USP30: variants seen among roughly 807,000 people sequenced by gnomAD.
USP30 encodes ubiquitin specific peptidase 30, also known as ubiquitin carboxyl-terminal hydrolase 30.
USP30 carries 41 observed loss-of-function variants against 68.2 expected under a neutral mutation model. The observed-to-expected ratio is 0.60, with a 90% CI of 0.47 to 0.78. USP30 has a LOEUF of 0.78. Ranked by LOEUF, USP30 falls within the 30% of genes least tolerant of loss-of-function variation. The pLI is 0.00. For missense variants in USP30, 522 were observed against 649.4 expected, an observed-to-expected ratio of 0.80 and a Z score of 2.13; for synonymous variants, 229 against 253.7, an observed-to-expected ratio of 0.90 and a Z score of 0.93.
In USP30 at chr12:109,070,238, A is replaced by G. The variant is rs936169231; in HGVS notation, c.481-1374A>G. Among the ~76,000 whole-genome samples the G allele has an allele frequency of 6.6e-6, 1 of 152,152 alleles. No individual in the cohort carries two copies. Among genetic ancestry groups the G allele is most frequent in the African/African-American group, 2.4e-5 (1 of 41,428 alleles). ...GCTCAGACTGGGGTCGAAGCAGGGT[A>G]GCTGAGAGTCCTCAGGAATTTAGGG... is the stretch of plus-strand genomic sequence containing the variant. On this transcript the variant is annotated intron_variant, in intron 4 of 12. Transcript: ENST00000257548. The surrounding 1 kb of genome is among the most constrained non-coding windows in gnomAD (Gnocchi z 4.0).
At chr12:109,075,738 G>A (rs1434588351) in intron 7 of USP30, among the ~76,000 whole-genome samples, 1 of 151,736 alleles carries the variant, frequency 6.6e-6, no homozygotes, top group Non-Finnish European at 1.5e-5. Flanking sequence ...GATGATTAGT[G>A]ATATTGAGTG....
intron 7 of USP30, 86 bp downstream of exon 7, chr12:109,073,618 A>C: frequency 8.4e-7 from 1 of 1,191,840 alleles, no homozygotes; most frequent in South Asian, 1.3e-5. Context: ...GTGGGCTGAC[A>C]TCGGTCACTG....
At chr12:109,032,167 G>T (rs1356099173) in intron 3 of USP30, among the ~76,000 whole-genome samples, 1 of 151,910 alleles carries the variant, frequency 6.6e-6, no homozygotes, top group Admixed American at 6.6e-5. Context: ...ACCTGGGCAT[G>T]GTGGCTTGTG....
At chr12:109,044,870 T>C (rs1002994453) in intron 3 of USP30, among the ~76,000 whole-genome samples, 1 of 152,122 alleles carries the variant, frequency 6.6e-6, no homozygotes, top group Non-Finnish European at 1.5e-5. Flanking sequence ...TTTACCCATA[T>C]ACCATCATCA....
chr12:109,046,583 C>T (rs1185168691), intron 3 of USP30, among the ~76,000 whole-genome samples: 1 of 152,210 alleles, frequency 6.6e-6, no homozygotes, highest in Non-Finnish European at 1.5e-5. Flanking sequence ...AACTATCTGG[C>T]CACTTTGGCC....
intron 3 of USP30, among the ~76,000 whole-genome samples, chr12:109,039,151 C>T (rs1356404042): frequency 6.9e-6 from 1 of 144,720 alleles, no homozygotes; most frequent in Middle Eastern, 3.5e-3. Context: ...TTTTTGTGAT[C>T]TATCTATGAA....
intron 3 of USP30, among the ~76,000 whole-genome samples, chr12:109,044,574 C>T (rs1298852656): frequency 6.6e-6 from 1 of 151,864 alleles, no homozygotes; most frequent in Non-Finnish European, 1.5e-5. Context: ...GAGTTCAAGG[C>T]TGCAGTGAGC....
chr12:109,023,628 C>CTT (rs1179349331), intron 1 of USP30, among the ~76,000 whole-genome samples: 25,798 of 72,718 alleles, frequency 0.35, 7,922 homozygotes, highest in South Asian at 0.6. Flanking sequence ...TTAATCAGGA[C>CTT]TTTTTTTTTT....
intron 1 of USP30, among the ~76,000 whole-genome samples, chr12:109,055,623 C>T (rs9668456): frequency 0.43 from 63,013 of 144,900 alleles, 15,341 homozygotes; most frequent in East Asian, 0.67. Flanking sequence ...TGGTCTCCCA[C>T]TGACCTCAGG....
intron 1 of USP30, among the ~76,000 whole-genome samples, chr12:109,023,781 C>T (rs563653702): frequency 6.4e-4 from 96 of 151,072 alleles, no homozygotes; most frequent in African/African-American, 2.2e-3. Flanking sequence ...TACAGGTGCC[C>T]GCCACCATGC....
chr12:109,081,768 G>A, intron 8 of USP30, 165 bp from the exon 9 acceptor site: 1 of 690,384 alleles, frequency 1.4e-6, no homozygotes, highest in African/African-American at 1.8e-5. Flanking sequence ...GCAGTCTAGG[G>A]TGCTTTGAGC....
intron 11 of USP30, among the ~76,000 whole-genome samples, chr12:109,083,415 G>C (rs1002973999): frequency 8.5e-5 from 13 of 152,126 alleles, no homozygotes; most frequent in Non-Finnish European, 1.2e-4. Context: ...CCTGTCAGTA[G>C]AGGAAATGTA....
At chr12:109,046,824 G>C (rs1005910289) in intron 3 of USP30, among the ~76,000 whole-genome samples, 2 of 152,150 alleles carry the variant, frequency 1.3e-5, no homozygotes, top group Non-Finnish European at 2.9e-5. Context: ...AGCCTCCCGA[G>C]TAGCTAGGAT....
chr12:109,024,625 T>C (rs536693979), intron 1 of USP30, among the ~76,000 whole-genome samples: 6 of 148,480 alleles, frequency 4.0e-5, no homozygotes, highest in African/African-American at 1.2e-4. Flanking sequence ...TAAAGCAGCA[T>C]TTTTTTTTTC....
rs2041166728 is a variant in USP30 at position 109,064,073 on chromosome 12, C to T, written c.377-3451C>T. On this transcript the variant is annotated intron_variant, in intron 3 of 12. Coordinates refer to ENST00000257548, the MANE Select transcript of USP30 (RefSeq NM_032663.5). ...ATTTTTAGTAGAGACAGGGTTTCAC[C>T]ATGTTGGCCAGGATGGTCTCGATCT... Among the ~76,000 whole-genome samples, 4 of 151,988 alleles carry T rather than the reference C, an allele frequency of 2.6e-5. No homozygotes were observed. The South Asian group carries it at 8.3e-4, about 32-fold the overall frequency.
chr12:109,045,090 T>C (rs2040593746), intron 3 of USP30, among the ~76,000 whole-genome samples: 2 of 150,090 alleles, frequency 1.3e-5, no homozygotes, highest in Admixed American at 1.3e-4. Flanking sequence ...GCGATTCTCC[T>C]GACTCAGCCT....
At position 109,052,898 on chromosome 12, in the gene USP30, G is replaced by A. The variant is rs546731129; in HGVS notation, c.83+137G>A. ...TTCTGGAAGGTTCTGCGTCCTTTAG[G>A]GTTGGAGGCCTGGGCCCGTAGGTGG... On this transcript the variant is annotated intron_variant, in intron 1 of 12. Coordinates refer to ENST00000257548, the MANE Select transcript of USP30 (RefSeq NM_032663.5). The A allele has an allele frequency of 1.6e-4, 147 of 909,548 alleles. No individual in the cohort carries two copies. The African/African-American group carries it at 2.5e-3, about 15-fold the overall frequency. 56.3% of individuals were successfully genotyped at this position (909,548 alleles called of 1,614,324 possible).
upstream of USP30, among the ~76,000 whole-genome samples, chr12:109,051,572 C>T (rs1307741838): frequency 4.2e-5 from 4 of 96,022 alleles, no homozygotes; most frequent in Non-Finnish European, 5.9e-5. Flanking sequence ...CACCTGACCT[C>T]TTTTTTTTTT....
At chr12:109,062,328 CTTTTTTTTTTT>C (rs773303115) in intron 3 of USP30, among the ~76,000 whole-genome samples, 1 of 103,068 alleles carries the variant, frequency 9.7e-6, no homozygotes, top group Non-Finnish European at 1.8e-5. Flanking sequence ...ACCTCCTTCA[CTTTTTTTTTTT>C]TTTTTTTTTT....
Sources: gnomAD v4.1 joint callset for allele counts (sites outside exome capture counted in the v4.1 genomes callset) on GRCh38, gnomAD v4.1.1 for gene constraint, Gnocchi (gnomAD v3.1) non-coding constraint, MANE v1.5 for transcripts, NCBI Gene and HGNC (gene_info 2026-07-23, HGNC 2026-07-21) for gene names.